Variants in ZNF638 observed in about 807,000 individuals in gnomAD.
The protein encoded by ZNF638 is zinc finger protein 638.
Under a neutral mutation model 195.6 loss-of-function variants are expected in ZNF638, and 46 were observed. That is an observed-to-expected ratio of 0.24 (90% CI 0.19 to 0.30). The LOEUF (loss-of-function observed/expected upper bound fraction) is 0.30. ZNF638 is among the 10% of genes least tolerant of loss of function. The probability of loss-of-function intolerance (pLI) is 1.00; values close to 1 mark genes in which losing one functional copy is unlikely to be tolerated. For synonymous variants in ZNF638, 845 were observed against 772.0 expected (o/e 1.09, Z -1.57); for missense variants, 2,440 against 2,325.3 (o/e 1.05, Z -1.01).
At chr2:71,406,057 A>G (rs1573132234) in intron 18 of ZNF638, 71 bp from the exon 19 acceptor site, 1 of 1,554,664 alleles carries the variant, frequency 6.4e-7, no homozygotes, top group Non-Finnish European at 8.8e-7. Context: ...ATAGTAAGTT[A>G]ATGTTAATCT....
chr2:71,373,302 ATTG>A (rs1452118184), intron 8 of ZNF638, among the ~76,000 whole-genome samples: 9 of 144,972 alleles, frequency 6.2e-5, no homozygotes, highest in Non-Finnish European at 1.4e-4. Flanking sequence ...CTATTTTATT[ATTG>A]TTGTCTTTTT....
At chr2:71,366,636 A>G (rs1248218198) in intron 6 of ZNF638, among the ~76,000 whole-genome samples, 2 of 152,222 alleles carry the variant, frequency 1.3e-5, no homozygotes, top group African/African-American at 2.4e-5. Flanking sequence ...GGGAAAATGA[A>G]TAATCACCAG....
At chr2:71,430,610 C>T (rs146236556) in intron 25 of ZNF638, among the ~76,000 whole-genome samples, 1 of 152,194 alleles carries the variant, frequency 6.6e-6, no homozygotes, top group African/African-American at 2.4e-5. Context: ...CTTTCTCCAT[C>T]TCTGAAGAAA....
chr2:71,370,600 T>A (rs1162620388), intron 8 of ZNF638, among the ~76,000 whole-genome samples: 1 of 152,330 alleles, frequency 6.6e-6, no homozygotes, highest in African/African-American at 2.4e-5. Flanking sequence ...TATGTATATC[T>A]CACCTGTAAG....
Position 71,427,257 on chromosome 2 carries a change from A to G in ZNF638, c.5388A>G (p.Gln1796=), listed in dbSNP as rs1320556667. The change falls in exon 24 of 28, where the codon CAA becomes CAG. Residue 1796 remains glutamine (Q), a synonymous_variant. Transcript: ENST00000264447. ...ATGATTTAAAAGTTGAGTTAGCACA[A>G]AGCAAAAATGACCATCCCACAGATA... The part of the protein sequence containing the change: ...GDNDLKVELA[Q]SKNDHPTDKK... 6.2e-7 allele frequency: 1 copy of G among 1,613,576 alleles called. No homozygotes were observed. The highest frequency in any genetic ancestry group is 1.7e-5 in the Admixed American group (1 of 59,902).
chr2:71,366,363 GAA>G (rs34964345), intron 6 of ZNF638, among the ~76,000 whole-genome samples: 10 of 139,296 alleles, frequency 7.2e-5, no homozygotes, highest in Non-Finnish European at 9.6e-5. Context: ...CCTGTCTCAA[GAA>G]AAAAAAAAAA....
chr2:71,348,632 A>G (rs995652346), intron 1 of ZNF638, 121 bp from the exon 2 acceptor site: 1 of 1,250,360 alleles, frequency 8.0e-7, no homozygotes, highest in Middle Eastern at 2.4e-4. Flanking sequence ...TTACTCTAAA[A>G]GTATATGAAA....
Position 71,349,325 on chromosome 2 carries a change from T to C in ZNF638, c.371T>C (p.Val124Ala). ...GTGAAACAGAGTTCTGTAACACAGG[T>C]TACAGAGCAGAGTCCCAAAGTACAG... ...VAVKQSSVTQ[V>A]TEQSPKVQSR... Residue 124 changes from valine to alanine, a missense_variant, in exon 2 of 28, where the codon GTT (valine) becomes GCT (alanine). Around this residue, in one of 5 missense-constraint regions of ZNF638, gnomAD observed 191 missense variants for 173.8 expected, o/e 1.10. Coordinates refer to ENST00000264447, the MANE Select transcript of ZNF638 (RefSeq NM_014497.5). 2.5e-6 allele frequency: 4 copies of C among 1,614,102 alleles called. No homozygotes were observed. Among genetic ancestry groups the C allele is most frequent in the Non-Finnish European group, 3.4e-6 (4 of 1,180,018 alleles).
chr2:71,353,344 G>T (rs575134958), intron 2 of ZNF638, among the ~76,000 whole-genome samples: 1 of 152,154 alleles, frequency 6.6e-6, no homozygotes, highest in Non-Finnish European at 1.5e-5. Context: ...AGAAAGTACC[G>T]ACAATAAAAA....
intron 2 of ZNF638, among the ~76,000 whole-genome samples, chr2:71,353,848 G>T (rs1288364227): frequency 1.3e-5 from 2 of 152,214 alleles, no homozygotes; most frequent in Non-Finnish European, 2.9e-5. Context: ...CTGCACCAGT[G>T]TGTCTGTTTG....
intron 16 of ZNF638, 96 bp downstream of exon 16, chr2:71,402,183 A>G: frequency 1.6e-6 from 2 of 1,268,902 alleles, no homozygotes; most frequent in Non-Finnish European, 2.1e-6. Flanking sequence ...GTTTAAAAGC[A>G]GTATCTCAAA....
At chr2:71,397,758 G>A (rs2079924607) in intron 11 of ZNF638, among the ~76,000 whole-genome samples, 1 of 152,028 alleles carries the variant, frequency 6.6e-6, no homozygotes, top group Non-Finnish European at 1.5e-5. Context: ...AAAGGGTTTG[G>A]GCTCTCTGAT....
intron 10 of ZNF638, among the ~76,000 whole-genome samples, chr2:71,383,556 G>A (rs989889352): frequency 4.7e-5 from 5 of 106,204 alleles, no homozygotes; most frequent in African/African-American, 1.5e-4. Context: ...TTTCTTCCTG[G>A]GTGGTTTTTT....
intron 11 of ZNF638, among the ~76,000 whole-genome samples, chr2:71,397,490 T>G (rs1226014452): frequency 6.6e-6 from 1 of 152,210 alleles, no homozygotes; most frequent in African/African-American, 2.4e-5. Flanking sequence ...TAGATGTCAA[T>G]GAATGCTTTT....
chr2:71,427,092 T>A lies in ZNF638; in HGVS notation c.5223T>A (p.Asp1741Glu), dbSNP rs767134032. 2 of 1,614,194 alleles carry A rather than the reference T, an allele frequency of 1.2e-6. No homozygotes were observed. The highest frequency in any genetic ancestry group is 8.5e-7 in the Non-Finnish European group (1 of 1,180,020). Reference protein sequence around the residue: ...STLVTVDEIQDDSSDLHLVTL... With the variant: ...STLVTVDEIQEDSSDLHLVTL... ...TAGTTACTGTAGATGAAATACAAGA[T>A]GACAGCAGTGATTTGCATTTAGTGA... The change falls in exon 24 of 28, where the codon GAT becomes GAA. Residue 1741 changes from aspartate to glutamate, a missense_variant. Asp to Glu is a conservative substitution (Grantham distance 45). Around this residue, in one of 5 missense-constraint regions of ZNF638, gnomAD observed 1,883 missense variants for 1,739.1 expected, o/e 1.08. Transcript: ENST00000264447.
At chr2:71,410,565 T>TA (rs1224454930) in intron 20 of ZNF638, among the ~76,000 whole-genome samples, 1 of 152,184 alleles carries the variant, frequency 6.6e-6, no homozygotes, top group Admixed American at 6.5e-5. Context: ...TTTTAGGTAT[T>TA]AGAATACCAT....
chr2:71,342,038 A>G (rs1343132294), intron 1 of ZNF638, among the ~76,000 whole-genome samples: 1 of 152,086 alleles, frequency 6.6e-6, no homozygotes. Context: ...TTTTCCACCA[A>G]AAGGTGGAAC....
intron 8 of ZNF638, among the ~76,000 whole-genome samples, chr2:71,370,929 A>G (rs2079299276): frequency 6.6e-6 from 1 of 151,798 alleles, no homozygotes. Context: ...GGTCTTACTC[A>G]TTCTGTTTTT....
intron 21 of ZNF638, among the ~76,000 whole-genome samples, chr2:71,421,918 G>A (rs891335549): frequency 5.3e-5 from 8 of 152,006 alleles, no homozygotes; most frequent in African/African-American, 1.7e-4. Context: ...TGTCTACCTC[G>A]GTGAAAGTAC....
Sources: allele counts gnomAD v4.1 joint callset (sites outside exome capture counted in the v4.1 genomes callset), GRCh38; gene constraint gnomAD v4.1.1; regional missense constraint gnomAD v4.1.1; transcripts MANE v1.5; gene names NCBI Gene and HGNC (gene_info 2026-07-23, HGNC 2026-07-21).